NPAS3: variants seen among roughly 807,000 people sequenced by gnomAD.
NPAS3 encodes the protein neuronal PAS domain-containing protein 3.
In NPAS3, 14 loss-of-function variants were observed where a neutral mutation model predicts 73.1. The observed-to-expected ratio is 0.19, with a 90% CI of 0.13 to 0.30. NPAS3 has a LOEUF of 0.30. Ranked by LOEUF, NPAS3 falls within the 10% of genes least tolerant of loss-of-function variation. NPAS3 has a pLI of 1.00. For missense variants in NPAS3, 1,096 were observed against 1,250.0 expected (o/e 0.88, Z 1.86); for synonymous variants, 620 against 541.5 (o/e 1.14, Z -2.01).
intron 6 of NPAS3, among the ~76,000 whole-genome samples, chr14:33,714,549 G>A (rs1372413554): frequency 2.0e-5 from 3 of 152,144 alleles, no homozygotes; most frequent in Admixed American, 6.6e-5. Flanking sequence ...ATAAATGCCT[G>A]GGGGAAAATT....
At chr14:33,657,397 G>T (rs2059174382) in intron 5 of NPAS3, among the ~76,000 whole-genome samples, 1 of 152,148 alleles carries the variant, frequency 6.6e-6, no homozygotes, top group Non-Finnish European at 1.5e-5. Context: ...TGATGAATAG[G>T]ATATCATCCC....
At chr14:33,183,421 G>GGTTTTTT (rs2045868671) in intron 2 of NPAS3, among the ~76,000 whole-genome samples, 1 of 60,764 alleles carries the variant, frequency 1.6e-5, no homozygotes, top group African/African-American at 9.6e-5. Flanking sequence ...GTGAGACTCT[G>GGTTTTTT]TTTTTTTTTT....
intron 1 of NPAS3, among the ~76,000 whole-genome samples, chr14:33,021,854 A>ATGG (rs2039609404): frequency 6.6e-6 from 1 of 152,232 alleles, no homozygotes; most frequent in African/African-American, 2.4e-5. Context: ...TGGTAATAGA[A>ATGG]CAATAACTGT....
chr14:33,360,130 C>T (rs981595638), intron 3 of NPAS3, among the ~76,000 whole-genome samples: 5 of 152,216 alleles, frequency 3.3e-5, no homozygotes, highest in Admixed American at 6.5e-5. Context: ...CTTCGCATCC[C>T]GAGTTCCCAG....
chr14:33,038,034 G>T (rs1178179007), intron 1 of NPAS3, among the ~76,000 whole-genome samples: 1 of 151,374 alleles, frequency 6.6e-6, no homozygotes, highest in African/African-American at 2.4e-5. Flanking sequence ...GTCAGCTTCA[G>T]TTGTGGAGGA....
At chr14:33,438,640 G>A (rs751773195) in intron 4 of NPAS3, among the ~76,000 whole-genome samples, 6 of 152,140 alleles carry the variant, frequency 3.9e-5, no homozygotes, top group African/African-American at 7.2e-5. Flanking sequence ...TATTAGCAAC[G>A]ATTCTACCAG....
chr14:33,743,963 G>T (rs2061719302), intron 7 of NPAS3, among the ~76,000 whole-genome samples: 2 of 152,204 alleles, frequency 1.3e-5, no homozygotes, highest in African/African-American at 4.8e-5. Context: ...GTCTTGCTCT[G>T]GATTAGGCTT....
At chr14:33,683,277 A>T (rs2059991574) in intron 6 of NPAS3, among the ~76,000 whole-genome samples, 1 of 151,722 alleles carries the variant, frequency 6.6e-6, no homozygotes, top group African/African-American at 2.4e-5. Flanking sequence ...AATTTTTTAA[A>T]CCCATTATTT....
intron 4 of NPAS3, among the ~76,000 whole-genome samples, chr14:33,499,762 C>T (rs904579165): frequency 6.6e-6 from 1 of 151,948 alleles, no homozygotes; most frequent in African/African-American, 2.4e-5. Context: ...GGCTGAACAG[C>T]GCCCCACACA....
intron 9 of NPAS3, among the ~76,000 whole-genome samples, chr14:33,784,745 A>ATT (rs1226491375): frequency 4.2e-4 from 31 of 73,850 alleles, no homozygotes; most frequent in African/African-American, 1.4e-3. Flanking sequence ...TTATTTATTT[A>ATT]TTTTTTTTTT....
intron 1 of NPAS3, among the ~76,000 whole-genome samples, chr14:32,964,813 A>C (rs1396783074): frequency 1.6e-5 from 1 of 63,830 alleles, no homozygotes; most frequent in Non-Finnish European, 3.4e-5. Context: ...CTGTCTCTAC[A>C]AAAAAAAAAA....
At chr14:33,476,012 G>A (rs887912628) in intron 4 of NPAS3, among the ~76,000 whole-genome samples, 3 of 152,294 alleles carry the variant, frequency 2.0e-5, no homozygotes, top group East Asian at 1.9e-4. Flanking sequence ...CCATGGCTGC[G>A]CTTTCCCTGG....
intron 3 of NPAS3, among the ~76,000 whole-genome samples, chr14:33,235,944 A>C (rs2048020324): frequency 6.7e-6 from 1 of 149,352 alleles, no homozygotes; most frequent in East Asian, 2.0e-4. Flanking sequence ...GTGCATCCCC[A>C]AGTCTGACTA....
intron 5 of NPAS3, among the ~76,000 whole-genome samples, chr14:33,648,353 A>G (rs895683773): frequency 6.6e-6 from 1 of 152,212 alleles, no homozygotes; most frequent in Non-Finnish European, 1.5e-5. Flanking sequence ...GCATATACAC[A>G]AAAGTATAGT....
At chr14:33,709,414 C>T (rs2060754681) in intron 6 of NPAS3, among the ~76,000 whole-genome samples, 1 of 152,178 alleles carries the variant, frequency 6.6e-6, no homozygotes, top group Admixed American at 6.5e-5. Flanking sequence ...TACTTCCCGC[C>T]CCCATTCTCC....
At chr14:33,772,245 C>G (rs757893653) in intron 7 of NPAS3, among the ~76,000 whole-genome samples, 8 of 152,156 alleles carry the variant, frequency 5.3e-5, no homozygotes, top group Non-Finnish European at 1.2e-4. Flanking sequence ...GAAATTGAGA[C>G]ACAGAGAGGC....
At chr14:33,536,807 A>G (rs2054279905) in intron 4 of NPAS3, among the ~76,000 whole-genome samples, 1 of 152,222 alleles carries the variant, frequency 6.6e-6, no homozygotes, top group Non-Finnish European at 1.5e-5. Context: ...ATAAAATTAT[A>G]TAACGGATTA....
At chr14:33,612,014 C>T (rs2057764382) in intron 5 of NPAS3, among the ~76,000 whole-genome samples, 1 of 152,136 alleles carries the variant, frequency 6.6e-6, no homozygotes, top group Admixed American at 6.5e-5. Flanking sequence ...CCTGCAGATG[C>T]TGAGTGGCCA....
intron 4 of NPAS3, among the ~76,000 whole-genome samples, chr14:33,540,836 G>A (rs1476789578): frequency 2.0e-5 from 3 of 152,160 alleles, no homozygotes; most frequent in Non-Finnish European, 2.9e-5. Context: ...TGGGGAAAAC[G>A]TGACAGGTAG....
Sources: allele counts gnomAD v4.1 joint callset (sites outside exome capture counted in the v4.1 genomes callset), GRCh38; gene constraint gnomAD v4.1.1; transcripts MANE v1.5; gene names NCBI Gene and HGNC (gene_info 2026-07-23, HGNC 2026-07-21).